Variants in ANKRD36 observed in about 807,000 individuals in gnomAD.
ANKRD36 encodes the protein ankyrin repeat domain 36, also known as ankyrin repeat domain-containing protein 36A.
Under a neutral mutation model 278.1 loss-of-function variants are expected in ANKRD36, and 179 were observed. That is an observed-to-expected ratio of 0.64 (90% CI 0.57 to 0.73). ANKRD36 has a LOEUF of 0.73. Among genes scored for constraint, ANKRD36 ranks in the 30% least tolerant of loss-of-function variants. ANKRD36 has a pLI of 0.00. For missense variants in ANKRD36, 1,159 were observed against 1,956.7 expected (o/e 0.59, Z 7.69); for synonymous variants, 320 against 641.1 (o/e 0.50, Z 7.57).
chr2:97,194,191 T>C (rs904320075), intron 38 of ANKRD36, among the ~76,000 whole-genome samples: 2 of 151,622 alleles, frequency 1.3e-5, no homozygotes, highest in African/African-American at 2.4e-5. Flanking sequence ...CAAACAGATA[T>C]CCAAGGTGAT....
At chr2:97,210,246 A>G (rs2064058005) in intron 56 of ANKRD36, among the ~76,000 whole-genome samples, 1 of 151,878 alleles carries the variant, frequency 6.6e-6, no homozygotes, top group Non-Finnish European at 1.5e-5. Context: ...AAACAGACAG[A>G]TAACTTGTTG....
chr2:97,172,759 T>A (rs986281421), intron 22 of ANKRD36, among the ~76,000 whole-genome samples: 14 of 152,048 alleles, frequency 9.2e-5, no homozygotes, highest in African/African-American at 3.4e-4. Flanking sequence ...TGTTCCCAGA[T>A]GTCAAATGGC....
chr2:97,125,860 A>G (rs535566483), intron 5 of ANKRD36, among the ~76,000 whole-genome samples: 1 of 152,058 alleles, frequency 6.6e-6, no homozygotes, highest in African/African-American at 2.4e-5. Context: ...ACCCTCATCT[A>G]TGACTTATCA....
At chr2:97,116,515 C>A (rs2035417668) in intron 1 of ANKRD36, among the ~76,000 whole-genome samples, 2 of 152,016 alleles carry the variant, frequency 1.3e-5, no homozygotes, top group African/African-American at 2.4e-5. Flanking sequence ...CTCAGGTGAT[C>A]CCCGTGCCTC....
intron 56 of ANKRD36, among the ~76,000 whole-genome samples, chr2:97,210,832 T>C (rs1274041101): frequency 1.3e-5 from 2 of 151,896 alleles, no homozygotes; most frequent in Admixed American, 6.6e-5. Context: ...AAGAAGTATG[T>C]CAAAGTTGAT....
chr2:97,207,225 T>C (rs1003849176), intron 52 of ANKRD36, among the ~76,000 whole-genome samples: 5 of 151,362 alleles, frequency 3.3e-5, no homozygotes, highest in African/African-American at 9.7e-5. Context: ...TATTGCACCA[T>C]ATGGGGGTGA....
intron 6 of ANKRD36, among the ~76,000 whole-genome samples, chr2:97,137,117 T>C (rs1173356515): frequency 6.6e-6 from 1 of 152,006 alleles, no homozygotes. Flanking sequence ...CTTTTTTTCC[T>C]ACAAGGTCTA....
At chr2:97,153,576 C>T (rs1394575513) in intron 14 of ANKRD36, among the ~76,000 whole-genome samples, 1 of 147,866 alleles carries the variant, frequency 6.8e-6, no homozygotes, top group African/African-American at 2.4e-5. Context: ...TACAGTAAAT[C>T]AGAGAAATGA....
chr2:97,200,186 G>T, intron 44 of ANKRD36, 148 bp from the exon 45 acceptor site: 3 of 1,505,118 alleles, frequency 2.0e-6, no homozygotes, highest in Non-Finnish European at 2.7e-6. Flanking sequence ...TTTCTGTCAT[G>T]TTCTGATCCC....
intron 4 of ANKRD36, among the ~76,000 whole-genome samples, chr2:97,123,449 T>TACTTC (rs201077640): frequency 1.3e-5 from 1 of 79,368 alleles, no homozygotes; most frequent in Non-Finnish European, 4.4e-5. Context: ...GATAAAACTT[T>TACTTC]AATGAAGACA....
intron 6 of ANKRD36, among the ~76,000 whole-genome samples, chr2:97,132,716 A>AT (rs748135678): frequency 2.0e-5 from 3 of 152,042 alleles, no homozygotes; most frequent in Non-Finnish European, 4.4e-5. Flanking sequence ...CTGGGCTTTG[A>AT]TTTGTTACAG....
intron 4 of ANKRD36, among the ~76,000 whole-genome samples, chr2:97,123,410 G>A (rs1345094814): frequency 1.1e-5 from 1 of 88,254 alleles, no homozygotes; most frequent in Admixed American, 1.0e-4. Flanking sequence ...AATTGATATG[G>A]GGAGGGGGAG....
intron 64 of ANKRD36, among the ~76,000 whole-genome samples, chr2:97,218,442 AAATGTAGGCAGAT>A (rs1368465672): frequency 6.7e-6 from 1 of 148,518 alleles, no homozygotes; most frequent in African/African-American, 2.5e-5. Flanking sequence ...AGGATATAAG[AAATGTAGGCAGAT>A]TATTACACCA....
At chr2:97,201,886 G>A (rs1361721718) in intron 46 of ANKRD36, among the ~76,000 whole-genome samples, 3 of 151,912 alleles carry the variant, frequency 2.0e-5, no homozygotes, top group African/African-American at 7.2e-5. Context: ...TGTGTGAGTT[G>A]CTACTCTGAT....
At position 97,200,524 on chromosome 2, in the gene ANKRD36, A is replaced by C. The variant is rs1164534237; in HGVS notation, c.2856A>C (p.Lys952Asn). Residue 952 changes from lysine (K) to asparagine (N), a missense_variant and splice_region_variant, in exon 46 of 76, where the codon AAA becomes AAC. Coordinates refer to ENST00000420699, the MANE Select transcript of ANKRD36 (RefSeq NM_001354587.1). The stretch of plus-strand genomic sequence containing the variant: ...AAAAGGATGGAGAAATATCTAGGAA[A>C]GGTAATTTTGCGAAACACATTTAAT... ...REKKDGEISR[K>N]VSSQKPPALK... 1.9e-6 allele frequency: 3 copies of C among 1,556,094 alleles called. No homozygotes were observed. The highest frequency in any genetic ancestry group is 1.9e-5 in the Admixed American group (1 of 51,798).
intron 20 of ANKRD36, among the ~76,000 whole-genome samples, chr2:97,165,231 T>TA (rs571925521): frequency 2.5e-4 from 38 of 152,296 alleles, no homozygotes; most frequent in African/African-American, 9.1e-4. Context: ...ACAGTGTACA[T>TA]AATAGCTGCA....
intron 30 of ANKRD36, among the ~76,000 whole-genome samples, chr2:97,186,352 A>C (rs1161988538): frequency 6.6e-6 from 1 of 150,948 alleles, no homozygotes; most frequent in East Asian, 2.0e-4. Context: ...TTTAAAAACA[A>C]ATATAATGTT....
chr2:97,220,729 C>CTTTTTTTTTTTTTT, intron 66 of ANKRD36, among the ~76,000 whole-genome samples: 1 of 66,524 alleles, frequency 1.5e-5, no homozygotes, highest in Admixed American at 1.6e-4. Flanking sequence ...GATTTTCTTG[C>CTTTTTTTTTTTTTT]TTTTTTTTTT....
intron 6 of ANKRD36, among the ~76,000 whole-genome samples, chr2:97,137,214 T>C (rs930264500): frequency 1.3e-5 from 2 of 152,014 alleles, no homozygotes; most frequent in African/African-American, 4.8e-5. Flanking sequence ...TGGCACAATC[T>C]TGGCTCACTG....
Sources: allele counts gnomAD v4.1 joint callset (sites outside exome capture counted in the v4.1 genomes callset), GRCh38; gene constraint gnomAD v4.1.1; transcripts MANE v1.5; gene names NCBI Gene and HGNC (gene_info 2026-07-23, HGNC 2026-07-21).